HSPG2: variants seen among roughly 807,000 people sequenced by gnomAD.
HSPG2 encodes basement membrane-specific heparan sulfate proteoglycan core protein.
A neutral mutation model predicts 526.6 loss-of-function variants in HSPG2; 278 were observed. That is an observed-to-expected ratio of 0.53 (90% CI 0.48 to 0.58). The LOEUF is 0.58. Ranked by LOEUF, HSPG2 falls within the 20% of genes least tolerant of loss-of-function variation. HSPG2 has a pLI of 0.00. For synonymous variants in HSPG2, 2,465 were observed against 2,555.4 expected (o/e 0.96, Z 1.07); for missense variants, 5,354 against 6,099.5 (o/e 0.88, Z 4.07).
In HSPG2 at chr1:21,838,889, G is replaced by A. The variant is rs1557690903; in HGVS notation, c.10086C>T (p.Arg3362=). 1 of 1,612,694 alleles carries A rather than the reference G, an allele frequency of 6.2e-7. No individual in the cohort carries two copies. The highest frequency in any genetic ancestry group is 2.2e-5 in the East Asian group (1 of 44,864). ...CCTTGTTGGTGACCCGGCAGCGGTA[G>A]CGGCCTGAGTCCTCAGGGGCTGCAC... is the stretch of plus-strand genomic sequence containing the variant. ...FERAAPEDSG[R]YRCRVTNKVG... Residue 3362 remains arginine, a synonymous_variant, in exon 74 of 97, where the codon CGC becomes CGT. Coordinates refer to ENST00000374695, the MANE Select transcript of HSPG2 (RefSeq NM_005529.7).
Position 21,842,220 on chromosome 1 carries a change from T to C in HSPG2, c.9052+19A>G. The stretch of plus-strand genomic sequence containing the variant: ...GGGCCCTCCCTTCCCCCCTTGCCCA[T>C]GGCATCTGCCATACTCACGGTAGGA... On this transcript the variant is annotated intron_variant, in intron 68 of 96. Coordinates refer to ENST00000374695, the MANE Select transcript of HSPG2 (RefSeq NM_005529.7). 1.9e-6 allele frequency: 3 copies of C among 1,613,166 alleles called. No individual in the cohort carries two copies. Among genetic ancestry groups the C allele is most frequent in the Non-Finnish European group, 2.5e-6 (3 of 1,179,610 alleles).
At position 21,849,020 on chromosome 1, in the gene HSPG2, C is replaced by A; in HGVS notation, c.7458G>T (p.Ser2486=). ...SLPARHQVHG[S]RLRLLQVTPA... is the part of the protein sequence containing the mutation. ...GGGTCACCTGGAGCAGGCGTAGCCT[C>A]GAGCCATGCACCTGGGAGGGTCAGG... Residue 2486 remains serine (S), a synonymous_variant, in exon 58 of 97, where the codon TCG becomes TCT. Transcript: ENST00000374695. The A allele has an allele frequency of 6.2e-7, 1 of 1,613,904 alleles. No homozygotes were observed. Among genetic ancestry groups the A allele is most frequent in the Non-Finnish European group, 8.5e-7 (1 of 1,180,016 alleles).
chr1:21,936,846 T>C (rs1644501282), intron 1 of HSPG2, among the ~76,000 whole-genome samples: 1 of 152,086 alleles, frequency 6.6e-6, no homozygotes, highest in African/African-American at 2.4e-5. Context: ...TCCCCAGGAA[T>C]GGTAGGCCGG....
In HSPG2 at chr1:21,890,284, C is replaced by T; in HGVS notation, c.413+143G>A. ...AGGGCAACTAAAGGTCCCAATGATC[C>T]CCCGACCAATTCCTGAATTTCCACC... On this transcript the variant is annotated intron_variant, in intron 5 of 96. Coordinates refer to ENST00000374695, the MANE Select transcript of HSPG2 (RefSeq NM_005529.7). The surrounding 1 kb of genome is among the most constrained non-coding windows in gnomAD (Gnocchi z 4.1). 7.9e-7 allele frequency: 1 copy of T among 1,270,306 alleles called. No individual in the cohort carries two copies. Among genetic ancestry groups the T allele is most frequent in the East Asian group, 2.3e-5 (1 of 42,944 alleles). The allele number at this position is 1,270,306 out of a possible 1,614,324, so 78.7% of individuals were successfully genotyped here. A position where few individuals can be genotyped will look rare whatever the true frequency, so the allele number is the denominator to read the frequency against.
chr1:21,895,778 C>A lies in HSPG2; in HGVS notation c.244+144G>T. ...CCTGCCAATCAGTCTGCACAACTGT[C>A]ACTCAGCAGGTTAAGAGATCACACC... On this transcript the variant is annotated intron_variant, in intron 3 of 96. Transcript: ENST00000374695. This position sits in a 1 kb window ranked among gnomAD's most constrained non-coding sequence, Gnocchi z 4.1. The A allele has an allele frequency of 1.3e-6, 1 of 778,082 alleles. No individual in the cohort carries two copies. The highest frequency in any genetic ancestry group is 2.2e-6 in the Non-Finnish European group (1 of 445,562). 48.2% of individuals were successfully genotyped at this position (778,082 alleles called of 1,614,324 possible).
At chr1:21,825,088 A>G (rs1478687705) in intron 91 of HSPG2, 2 of 437,620 alleles carry the variant, frequency 4.6e-6, no homozygotes, top group Non-Finnish European at 8.5e-6. Context: ...TTATCACATG[A>G]CAGTAGCTGC....
intron 1 of HSPG2, among the ~76,000 whole-genome samples, chr1:21,923,342 G>C (rs1644096770): frequency 6.6e-6 from 1 of 152,058 alleles, no homozygotes; most frequent in Admixed American, 6.5e-5. Context: ...GGAAGCGGAG[G>C]CTGCAGTGAG....
chr1:21,912,013 G>A (rs2152788675), intron 1 of HSPG2, among the ~76,000 whole-genome samples: 1 of 152,326 alleles, frequency 6.6e-6, no homozygotes, highest in African/African-American at 2.4e-5. Context: ...GGTGAAGTTT[G>A]GATGCAGAGG....
chr1:21,878,258 G>A lies in HSPG2; in HGVS notation c.2618-5C>T. 1 of 1,613,882 alleles carries A rather than the reference G, an allele frequency of 6.2e-7. No homozygotes were observed. Among genetic ancestry groups the A allele is most frequent in the Non-Finnish European group, 8.5e-7 (1 of 1,179,962 alleles). ...CACAGCGCACAATCTCCTGGTCTGG[G>A]ACACAAAACGAGTGTTGGCAGGGCA... On this transcript the variant is annotated splice_polypyrimidine_tract_variant and splice_region_variant and intron_variant, in intron 20 of 96. Transcript: ENST00000374695.
rs988125911 is a variant in HSPG2, at chr1:21,858,307, CT to C, written c.5294-923del. ...TTCCCTCTGATTCCCATGATGCCCC[CT>C]GTCTCTTCCTGCCTCATGGCTGCAC... On this transcript the variant is annotated intron_variant, in intron 42 of 96. Coordinates refer to ENST00000374695, the MANE Select transcript of HSPG2 (RefSeq NM_005529.7). This position sits in a 1 kb window ranked among gnomAD's most constrained non-coding sequence, Gnocchi z 4.2. Among the ~76,000 whole-genome samples the C allele has an allele frequency of 3.3e-5, 5 of 152,216 alleles. No homozygotes were observed. The highest frequency in any genetic ancestry group is 3.3e-4 in the Admixed American group (5 of 15,286).
rs1260847448 is a variant in HSPG2, at chr1:21,936,801, C to T, written c.63+354G>A. Among the ~76,000 whole-genome samples the T allele has an allele frequency of 2.6e-5, 4 of 152,198 alleles. No homozygotes were observed. In the East Asian group the frequency reaches 7.7e-4, roughly 29 times the overall value. Reference sequence around the variant, plus strand: ...GCGCAGAAGGGTTCCCTCGTCCTGCCAAGTTCCCACCCTGCTCAAAGTTTC... The same window carrying T: ...GCGCAGAAGGGTTCCCTCGTCCTGCTAAGTTCCCACCCTGCTCAAAGTTTC... On this transcript the variant is annotated intron_variant, in intron 1 of 96. Transcript: ENST00000374695.
intron 6 of HSPG2, among the ~76,000 whole-genome samples, chr1:21,889,479 C>A (rs1642189591): frequency 1.3e-5 from 2 of 152,200 alleles, no homozygotes; most frequent in African/African-American, 4.8e-5. Flanking sequence ...GTCACAGACA[C>A]CGAGTTTGTT....
Position 21,828,710 on chromosome 1 carries a change from C to T in HSPG2, c.12237+125G>A, listed in dbSNP as rs1387922582. On this transcript the variant is annotated intron_variant, in intron 88 of 96. Coordinates refer to ENST00000374695, the MANE Select transcript of HSPG2 (RefSeq NM_005529.7). This position sits in a 1 kb window ranked among gnomAD's most constrained non-coding sequence, Gnocchi z 6.0. ...AAACTGAGGCTCAGAGGTACAGTGT[C>T]CTGGCCCAGGGCCCGTGGGTGGCTG... 1.5e-6 allele frequency: 2 copies of T among 1,375,004 alleles called. No individual in the cohort carries two copies. Among genetic ancestry groups the T allele is most frequent in the Non-Finnish European group, 2.0e-6 (2 of 997,660 alleles). The allele number at this position is 1,375,004 out of a possible 1,614,324, so 85.2% of individuals were successfully genotyped here.
In HSPG2 at chr1:21,852,905, G is replaced by A. The variant is rs1393253424; in HGVS notation, c.6591+14C>T. 6.2e-7 allele frequency: 1 copy of A among 1,612,304 alleles called. No individual in the cohort carries two copies. Among genetic ancestry groups the A allele is most frequent in the Non-Finnish European group, 8.5e-7 (1 of 1,179,688 alleles). On this transcript the variant is annotated intron_variant, in intron 51 of 96. Transcript: ENST00000374695. ...CAGCCCCTCCAGCAAGGTGGTCCCG[G>A]GGGGCTGCCATACCTGGTGCCGGGC... is the stretch of plus-strand genomic sequence containing the variant.
intron 46 of HSPG2, 25 bp downstream of exon 46, chr1:21,855,498 C>T (rs1292108771): frequency 1.2e-6 from 2 of 1,611,486 alleles, no homozygotes; most frequent in Admixed American, 1.7e-5. Context: ...CACTCCCGGC[C>T]CCCACCCTGA....
intron 95 of HSPG2, 178 bp downstream of exon 95, chr1:21,823,943 C>T (rs2097960089): frequency 1.3e-6 from 1 of 769,322 alleles, no homozygotes; most frequent in Non-Finnish European, 2.2e-6. Flanking sequence ...TCGCCTGCCC[C>T]CAGCGGAGTT....
At position 21,838,848 on chromosome 1, in the gene HSPG2, G is replaced by T; in HGVS notation, c.10127C>A (p.Ala3376Asp). 1 of 1,612,414 alleles carries T rather than the reference G, an allele frequency of 6.2e-7. No individual in the cohort carries two copies. The change falls in exon 74 of 97, where the codon GCC becomes GAC. Residue 3376 changes from alanine (A) to aspartate (D), a missense_variant. By Grantham distance (126) the Ala-to-Asp change is moderately radical. Coordinates refer to ENST00000374695, the MANE Select transcript of HSPG2 (RefSeq NM_005529.7). ...RVTNKVGSAE[A>D]FAQLLVQGPP... ...ACCTTGGACGAGCAGCTGGGCAAAG[G>T]CCTCGGCTGAGCCCACCTTGTTGGT...
chr1:21,822,336 C>T lies in HSPG2; in HGVS notation c.*980G>A. 1 of 981,988 alleles carries T rather than the reference C, an allele frequency of 1.0e-6. No individual in the cohort carries two copies. The highest frequency in any genetic ancestry group is 1.6e-6 in the Non-Finnish European group (1 of 626,836). The allele number at this position is 981,988 out of a possible 1,614,324, so 60.8% of individuals were successfully genotyped here. A position where few individuals can be genotyped will look rare whatever the true frequency, so the allele number is the denominator to read the frequency against. ...ACAGAGGCCAGGCGTCCCAACCCCA[C>T]AGTCTGGGGGCCACTGGCAGGATGG... On this transcript the variant is annotated 3_prime_UTR_variant, in exon 97 of 97. Transcript: ENST00000374695.
chr1:21,828,261 A>G lies in HSPG2; in HGVS notation c.12403T>C (p.Phe4135Leu). 6.2e-7 allele frequency: 1 copy of G among 1,613,498 alleles called. No individual in the cohort carries two copies. Among genetic ancestry groups the G allele is most frequent in the Non-Finnish European group, 8.5e-7 (1 of 1,179,998 alleles). The change falls in exon 89 of 97, where the codon TTC becomes CTC. Residue 4135 changes from phenylalanine to leucine, a missense_variant. Coordinates refer to ENST00000374695, the MANE Select transcript of HSPG2 (RefSeq NM_005529.7). The surrounding 1 kb of genome is among the most constrained non-coding windows in gnomAD (Gnocchi z 6.0). ...YEFQCLCRDG[F>L]KGDLCEHEEN... is the part of the protein sequence containing the mutation. ...CCTGGGCAGGCTTTCCCACCTTTGA[A>G]TCCATCTCGACACAGGCACTGGAAC...
Sources: gnomAD v4.1 joint callset for allele counts (sites outside exome capture counted in the v4.1 genomes callset) on GRCh38, gnomAD v4.1.1 for gene constraint, Gnocchi (gnomAD v3.1) non-coding constraint, MANE v1.5 for transcripts, NCBI Gene and HGNC (gene_info 2026-07-23, HGNC 2026-07-21) for gene names.